Variants in DST observed in about 807,000 individuals in gnomAD.
DST encodes bullous pemphigoid antigen.
A neutral mutation model predicts 875.2 loss-of-function variants in DST; 253 were observed. The observed-to-expected ratio is 0.29, with a 90% CI of 0.26 to 0.32. The LOEUF is 0.32. Ranked by LOEUF, DST falls within the 10% of genes least tolerant of loss-of-function variation. The pLI is 1.00. For synonymous variants in DST, 3,124 were observed against 3,197.1 expected (o/e 0.98, Z 0.77); for missense variants, 8,287 against 9,111.6 (o/e 0.91, Z 3.68).
At chr6:56,494,299 G>A (rs2152444466) in intron 82 of DST, 119 bp from the exon 83 acceptor site, 2 of 871,838 alleles carry the variant, frequency 2.3e-6, no homozygotes, top group East Asian at 5.3e-5. Flanking sequence ...TGCTCTCTCA[G>A]GGCAACCTTG....
In DST at chr6:56,497,844, T is replaced by A; in HGVS notation, c.20094+12A>T. 6.3e-7 allele frequency: 1 copy of A among 1,579,226 alleles called. No homozygotes were observed. Among genetic ancestry groups the A allele is most frequent in the Non-Finnish European group, 8.6e-7 (1 of 1,164,752 alleles). On this transcript the variant is annotated intron_variant, in intron 81 of 103. Coordinates refer to ENST00000680361, the MANE Select transcript of DST (RefSeq NM_001374736.1). Reference sequence around the variant, plus strand: ...TGCTATAAAAACTTTCAGAATTTATTCTCTTACTCACCTGGCGCAAGGCAC... The same window carrying A: ...TGCTATAAAAACTTTCAGAATTTATACTCTTACTCACCTGGCGCAAGGCAC...
intron 4 of DST, among the ~76,000 whole-genome samples, chr6:56,741,375 G>A (rs540878092): frequency 1.3e-5 from 2 of 152,224 alleles, no homozygotes; most frequent in Non-Finnish European, 2.9e-5. Flanking sequence ...CATAAATTCT[G>A]ATACTGTTTT....
At chr6:56,899,891 T>C (rs947896658) in intron 3 of DST, among the ~76,000 whole-genome samples, 2 of 152,140 alleles carry the variant, frequency 1.3e-5, no homozygotes, top group African/African-American at 4.8e-5. Context: ...TGCTGCCTTA[T>C]AACAATATAA....
At chr6:56,575,088 A>T (rs2097844777) in intron 50 of DST, among the ~76,000 whole-genome samples, 1 of 152,204 alleles carries the variant, frequency 6.6e-6, no homozygotes, top group African/African-American at 2.4e-5. Context: ...AATGAAGCCC[A>T]TCAGCATACT....
intron 5 of DST, among the ~76,000 whole-genome samples, chr6:56,719,107 A>C (rs2099405164): frequency 6.6e-6 from 1 of 152,228 alleles, no homozygotes; most frequent in South Asian, 2.1e-4. Context: ...TTTTGAAAAA[A>C]TGGAGTGACA....
At chr6:56,791,026 AAG>A (rs1054075283) in intron 4 of DST, among the ~76,000 whole-genome samples, 2 of 152,232 alleles carry the variant, frequency 1.3e-5, no homozygotes, top group African/African-American at 4.8e-5. Flanking sequence ...TGGAATGAGA[AAG>A]AGAGGCCAAC....
intron 73 of DST, among the ~76,000 whole-genome samples, chr6:56,510,497 G>A (rs1156359614): frequency 6.6e-6 from 1 of 151,992 alleles, no homozygotes; most frequent in African/African-American, 2.4e-5. Context: ...TTACTTCATG[G>A]TTAAACACAT....
intron 3 of DST, among the ~76,000 whole-genome samples, chr6:56,879,717 C>T (rs923196016): frequency 6.6e-6 from 1 of 152,134 alleles, no homozygotes; most frequent in Non-Finnish European, 1.5e-5. Flanking sequence ...ATAGATTAAT[C>T]CACACAATAA....
At chr6:56,523,675 A>G (rs2096746390) in intron 69 of DST, among the ~76,000 whole-genome samples, 1 of 152,188 alleles carries the variant, frequency 6.6e-6, no homozygotes. Flanking sequence ...ATCTTAAGAG[A>G]TATTTCTGCT....
In DST at chr6:56,628,138, C is replaced by T. The variant is rs2152753280; in HGVS notation, c.4499G>A (p.Gly1500Asp). The change falls in exon 33 of 104, where the codon GGC (glycine) becomes GAC (aspartate). Residue 1500 changes from glycine (G) to aspartate (D), a missense_variant. Physicochemically the swap from Gly to Asp is moderately conservative, Grantham distance 94. Transcript: ENST00000680361. ...DNRLRDLEGIGKSLKYYRDTY... is the reference protein window; with the variant it reads ...DNRLRDLEGIDKSLKYYRDTY... ...GTCTCTGTAGTACTTCAGTGATTTG[C>T]CAATGCCCTCTAAGTCCCGTAACCT... The T allele has an allele frequency of 2.5e-6, 4 of 1,613,646 alleles. No individual in the cohort carries two copies. Among genetic ancestry groups the T allele is most frequent in the Non-Finnish European group, 3.4e-6 (4 of 1,179,632 alleles).
Position 56,607,015 on chromosome 6 carries a change from T to G in DST, c.7613A>C (p.His2538Pro), listed in dbSNP as rs1410599885. Residue 2538 changes from histidine to proline, a missense_variant, in exon 40 of 104, where the codon CAT (histidine) becomes CCT (proline). Physicochemically the swap from His to Pro is moderately conservative, Grantham distance 77. Transcript: ENST00000680361. ...TTCAGGCATCTGCTGAAAACCTGGA[T>G]GTGTTTTTTCATCCTCACCAGAAGT... Reference protein sequence around the residue: ...SNTSGEDEKTHPGFQQMPEDK... With the variant: ...SNTSGEDEKTPPGFQQMPEDK... The G allele has an allele frequency of 6.2e-7, 1 of 1,613,484 alleles. No homozygotes were observed. The highest frequency in any genetic ancestry group is 1.7e-5 in the Admixed American group (1 of 59,942).
rs2152781563 is a variant in DST, at chr6:56,642,510, G to C, written c.1779-7C>G. 1 of 1,611,586 alleles carries C rather than the reference G, an allele frequency of 6.2e-7. No homozygotes were observed. The highest frequency in any genetic ancestry group is 8.5e-7 in the Non-Finnish European group (1 of 1,177,736). On this transcript the variant is annotated splice_polypyrimidine_tract_variant and splice_region_variant and intron_variant, in intron 15 of 103. Coordinates refer to ENST00000680361, the MANE Select transcript of DST (RefSeq NM_001374736.1). ...CTGTTGCAACATTTCTAACCTAAAA[G>C]ATGAGACAAAATAAAATAAAGCTTC...
At chr6:56,910,056 T>C (rs1295847079) in intron 2 of DST, among the ~76,000 whole-genome samples, 6 of 152,378 alleles carry the variant, frequency 3.9e-5, no homozygotes, top group Non-Finnish European at 7.3e-5. Flanking sequence ...ATTACCTTTT[T>C]AAAATCTTTT....
chr6:56,735,284 G>T lies in DST; in HGVS notation c.631C>A (p.Arg211=). 6.5e-7 allele frequency: 1 copy of T among 1,538,778 alleles called. No individual in the cohort carries two copies. The highest frequency in any genetic ancestry group is 8.8e-7 in the Non-Finnish European group (1 of 1,135,660). Residue 211 remains arginine (R), a synonymous_variant, in exon 5 of 104, where the codon CGG becomes AGG. Transcript: ENST00000680361. The stretch of plus-strand genomic sequence containing the variant: ...AATGTTTTCTTCTGAACTTTGTCCC[G>T]TTCATCTGGAAGGAAAAAATATATA... ...ERAVLRIADE[R]DKVQKKTFTK...
chr6:56,527,877 C>G, intron 67 of DST, 143 bp from the exon 68 acceptor site: 1 of 868,780 alleles, frequency 1.2e-6, no homozygotes, highest in Non-Finnish European at 1.6e-6. Context: ...CAAGAGAAGC[C>G]CTTTTCTAAA....
Position 56,476,199 on chromosome 6 carries a change from C to G in DST, c.21814G>C (p.Val7272Leu), listed in dbSNP as rs767613702. ...ETTLTDKDKE[V>L]IPQEIEEVKA... ...ACCTCTTCGATCTCCTGGGGGATGA[C>G]TTCTTTATCCTTATCAGTAAGTGTA... is the stretch of plus-strand genomic sequence containing the variant. The change falls in exon 92 of 104, where the codon GTC becomes CTC. Residue 7272 changes from valine (V) to leucine (L), a missense_variant. By Grantham distance (32) the Val-to-Leu change is conservative. Transcript: ENST00000680361. 5 of 1,612,884 alleles carry G rather than the reference C, an allele frequency of 3.1e-6. No homozygotes were observed. Among genetic ancestry groups the G allele is most frequent in the Non-Finnish European group, 4.2e-6 (5 of 1,179,418 alleles).
chr6:56,833,388 CACTA>C (rs1238326817), intron 4 of DST, among the ~76,000 whole-genome samples: 4 of 152,224 alleles, frequency 2.6e-5, no homozygotes. Context: ...AAAACTTTCT[CACTA>C]ACTACTTTCT....
In DST at chr6:56,573,751, T is replaced by C; in HGVS notation, c.13164A>G (p.Glu4388=). The C allele has an allele frequency of 6.2e-7, 1 of 1,613,750 alleles. No individual in the cohort carries two copies. The highest frequency in any genetic ancestry group is 8.5e-7 in the Non-Finnish European group (1 of 1,179,718). ...DEMLDWMGNV[E]SSLKEQGQVP... is the part of the protein sequence containing the mutation. ...CTTGACCTTGTTCTTTCAGAGAACTTTCCACATTTCCCATCCAGTCCAGCA... is the reference window on the plus strand; with the variant it reads ...CTTGACCTTGTTCTTTCAGAGAACTCTCCACATTTCCCATCCAGTCCAGCA... Residue 4388 remains glutamate (E), a synonymous_variant, in exon 51 of 104, where the codon GAA becomes GAG. Coordinates refer to ENST00000680361, the MANE Select transcript of DST (RefSeq NM_001374736.1).
rs759740253 is a variant in DST, at chr6:56,714,414, C to T, written c.688-10045G>A. 5.9e-5 allele frequency among the ~76,000 whole-genome samples: 9 copies of T among 152,160 alleles called. No individual in the cohort carries two copies. The highest frequency in any genetic ancestry group is 1.0e-4 in the Non-Finnish European group (7 of 68,034). On this transcript the variant is annotated intron_variant, in intron 5 of 103. Transcript: ENST00000680361. The surrounding 1 kb of genome is among the most constrained non-coding windows in gnomAD (Gnocchi z 4.5). ...TTCTAGTCTACTCAACAGAGATCTCCGGACCACAGATGCTTAAAAACTAGT... is the reference window on the plus strand; with the variant it reads ...TTCTAGTCTACTCAACAGAGATCTCTGGACCACAGATGCTTAAAAACTAGT...
Sources: allele counts gnomAD v4.1 joint callset (sites outside exome capture counted in the v4.1 genomes callset), GRCh38; gene constraint gnomAD v4.1.1; non-coding constraint Gnocchi (gnomAD v3.1); transcripts MANE v1.5; gene names NCBI Gene and HGNC (gene_info 2026-07-23, HGNC 2026-07-21).